Variants in ZNF251 observed in about 807,000 individuals in gnomAD.
ZNF251 encodes zinc finger protein 251.
Under a neutral mutation model 13.5 loss-of-function variants are expected in ZNF251, and 14 were observed. That is an observed-to-expected ratio of 1.04 (90% CI 0.69 to 1.63). The LOEUF (loss-of-function observed/expected upper bound fraction) is 1.63, where lower values mean the gene tolerates loss of function less well. ZNF251 is among the 40% of genes most tolerant of loss of function. The pLI is 0.00. For synonymous variants in ZNF251, 287 were observed against 295.2 expected, an observed-to-expected ratio of 0.97 and a Z score of 0.28; for missense variants, 764 against 834.9, an observed-to-expected ratio of 0.92 and a Z score of 1.05.
chr8:144,745,023 C>G (rs1475793877), intron 4 of ZNF251, among the ~76,000 whole-genome samples: 4 of 151,984 alleles, frequency 2.6e-5, no homozygotes, highest in African/African-American at 9.7e-5. Flanking sequence ...GCTACAGCAC[C>G]CCAGCCTGGG....
intron 4 of ZNF251, among the ~76,000 whole-genome samples, chr8:144,727,364 G>A (rs1823548868): frequency 6.6e-6 from 1 of 152,212 alleles, no homozygotes; most frequent in Admixed American, 6.5e-5. Flanking sequence ...AGCTATGGGA[G>A]TCCTAGATGG....
At position 144,722,526 on chromosome 8, in the gene ZNF251, T is replaced by C; in HGVS notation, c.1134A>G (p.Lys378=). The part of the protein sequence containing the change: ...ERIHTGEKPH[K]CNQCGKAFSQ... ...TGAAGGCCTTCCCACACTGATTGCA[T>C]TTATGGGGCTTCTCTCCAGTGTGAA... The change falls in exon 5 of 5, where the codon AAA becomes AAG. Residue 378 remains lysine (K), a synonymous_variant. Coordinates refer to ENST00000292562, the MANE Select transcript of ZNF251 (RefSeq NM_138367.2). The surrounding 1 kb of genome is among the most constrained non-coding windows in gnomAD (Gnocchi z 4.8). The C allele has an allele frequency of 6.2e-7, 1 of 1,612,078 alleles. No individual in the cohort carries two copies. Among genetic ancestry groups the C allele is most frequent in the African/African-American group, 1.3e-5 (1 of 74,316 alleles).
chr8:144,752,398 A>G (rs1438376123), intron 4 of ZNF251, among the ~76,000 whole-genome samples: 1 of 152,198 alleles, frequency 6.6e-6, no homozygotes, highest in Non-Finnish European at 1.5e-5. Context: ...ATAACTAGGA[A>G]AACACCAACT....
At position 144,721,535 on chromosome 8, in the gene ZNF251, T is replaced by C. The variant is rs1478488453; in HGVS notation, c.*109A>G. 6 of 1,114,760 alleles carry C rather than the reference T, an allele frequency of 5.4e-6. No homozygotes were observed. Among genetic ancestry groups the C allele is most frequent in the Non-Finnish European group, 6.9e-6 (6 of 872,430 alleles). 69.1% of individuals were successfully genotyped at this position (1,114,760 alleles called of 1,614,324 possible). ...TTGACTTTAGTAGTCATCTGAACTATTTATTTTACTTTGCCAGTAATATTT... is the reference window on the plus strand; with the variant it reads ...TTGACTTTAGTAGTCATCTGAACTACTTATTTTACTTTGCCAGTAATATTT... On this transcript the variant is annotated 3_prime_UTR_variant, in exon 5 of 5. Coordinates refer to ENST00000292562, the MANE Select transcript of ZNF251 (RefSeq NM_138367.2).
Position 144,721,503 on chromosome 8 carries a change from A to C in ZNF251, c.*141T>G. The C allele has an allele frequency of 1.2e-6, 1 of 864,410 alleles. No homozygotes were observed. The highest frequency in any genetic ancestry group is 1.5e-6 in the Non-Finnish European group (1 of 649,594). 53.5% of individuals were successfully genotyped at this position (864,410 alleles called of 1,614,324 possible). A position where few individuals can be genotyped will look rare whatever the true frequency, so the allele number is the denominator to read the frequency against. ...AATTCTCGTGTTTACTTCCAGATTT[A>C]ATGACTTTGACTTTAGTAGTCATCT... On this transcript the variant is annotated 3_prime_UTR_variant, in exon 5 of 5. Transcript: ENST00000292562.
chr8:144,729,369 C>G (rs2467664), intron 4 of ZNF251, among the ~76,000 whole-genome samples: 1 of 148,398 alleles, frequency 6.7e-6, no homozygotes, highest in Non-Finnish European at 1.5e-5. Context: ...TAGAGTCTTG[C>G]TCTGTCGCCC....
At chr8:144,741,368 ACACT>A (rs1168011289) in intron 4 of ZNF251, among the ~76,000 whole-genome samples, 61 of 152,244 alleles carry the variant, frequency 4.0e-4, no homozygotes, top group East Asian at 3.9e-3. Context: ...ACTCATACAC[ACACT>A]CACACACACT....
intron 3 of ZNF251, among the ~76,000 whole-genome samples, 187 bp from the exon 4 acceptor site, chr8:144,753,983 G>C (rs1159787232): frequency 6.6e-6 from 1 of 152,206 alleles, no homozygotes; most frequent in Non-Finnish European, 1.5e-5. Flanking sequence ...AGGGACACCA[G>C]TGGGGCCACT....
chr8:144,753,551 G>A (rs981201922), intron 4 of ZNF251, 132 bp downstream of exon 4: 1 of 640,120 alleles, frequency 1.6e-6, no homozygotes, highest in Admixed American at 2.7e-5. Flanking sequence ...TTTGTAGAGG[G>A]GCTGTATCTG....
At chr8:144,731,786 C>G (rs1325887284) in intron 4 of ZNF251, among the ~76,000 whole-genome samples, 1 of 151,948 alleles carries the variant, frequency 6.6e-6, no homozygotes, top group Non-Finnish European at 1.5e-5. Flanking sequence ...CAGGGTTTCA[C>G]CATGCTGGCC....
At chr8:144,747,548 C>T (rs185985199) in intron 4 of ZNF251, among the ~76,000 whole-genome samples, 6 of 152,356 alleles carry the variant, frequency 3.9e-5, no homozygotes, top group Admixed American at 1.3e-4. Flanking sequence ...GCTGGATCTC[C>T]AACTGCAGAC....
At chr8:144,755,295 C>A in intron 1 of ZNF251, 110 bp downstream of exon 1, 1 of 1,240,932 alleles carries the variant, frequency 8.1e-7, no homozygotes, top group Non-Finnish European at 1.0e-6. Context: ...GCTCCCGCGG[C>A]ACCCAGAACA....
At chr8:144,742,596 G>A (rs141504591) in intron 4 of ZNF251, among the ~76,000 whole-genome samples, 98 of 151,896 alleles carry the variant, frequency 6.5e-4, no homozygotes, top group African/African-American at 2.2e-3. Flanking sequence ...GTGGTGCCGC[G>A]TGATCTATGG....
At chr8:144,730,202 G>T (rs1270609550) in intron 4 of ZNF251, 1 of 772,076 alleles carries the variant, frequency 1.3e-6, no homozygotes, top group Non-Finnish European at 1.6e-6. Context: ...CAGGCGCGGG[G>T]CCCAGAGCGC....
intron 4 of ZNF251, among the ~76,000 whole-genome samples, chr8:144,731,706 C>T (rs189105313): frequency 1.7e-3 from 258 of 152,212 alleles, no homozygotes; most frequent in Non-Finnish European, 3.2e-3. Flanking sequence ...CCTGCCTCAG[C>T]CTCCTGAGGA....
chr8:144,731,355 C>T (rs570602225), intron 4 of ZNF251, among the ~76,000 whole-genome samples: 3 of 152,126 alleles, frequency 2.0e-5, no homozygotes, highest in Non-Finnish European at 2.9e-5. Context: ...TACTGTGTAC[C>T]GATGGAACTT....
In ZNF251 at chr8:144,732,614, C is replaced by A. The variant is rs564167383; in HGVS notation, c.278-9232G>T. On this transcript the variant is annotated intron_variant, in intron 4 of 4. Transcript: ENST00000292562. ...AATCACGAGGTCAGGAGATGGAGAC[C>A]ATCCTGGCCAACACGGTGAAACCCC... is the stretch of plus-strand genomic sequence containing the variant. Among the ~76,000 whole-genome samples the A allele has an allele frequency of 6.0e-5, 9 of 151,146 alleles. No individual in the cohort carries two copies. The South Asian group carries it at 1.9e-3, about 32-fold the overall frequency.
intron 4 of ZNF251, among the ~76,000 whole-genome samples, chr8:144,736,754 A>T (rs897241748): frequency 1.3e-5 from 2 of 151,882 alleles, no homozygotes; most frequent in Admixed American, 1.3e-4. Context: ...GGCCTCCCAA[A>T]GTGATGGGAT....
chr8:144,737,152 A>G (rs1823934105), intron 4 of ZNF251, among the ~76,000 whole-genome samples: 1 of 151,764 alleles, frequency 6.6e-6, no homozygotes, highest in African/African-American at 2.4e-5. Context: ...AGGCTGGAGT[A>G]CAGTGGATGA....
Sources: allele counts gnomAD v4.1 joint callset (sites outside exome capture counted in the v4.1 genomes callset), GRCh38; gene constraint gnomAD v4.1.1; non-coding constraint Gnocchi (gnomAD v3.1); transcripts MANE v1.5; gene names NCBI Gene and HGNC (gene_info 2026-07-23, HGNC 2026-07-21).